Variants in RNF138 observed in about 807,000 individuals in gnomAD.
RNF138 encodes the protein ring finger protein 138.
Under a neutral mutation model 31.0 loss-of-function variants are expected in RNF138, and 12 were observed. The ratio of observed to expected loss-of-function variants is 0.39; its 90% CI spans 0.25 to 0.63. The LOEUF (loss-of-function observed/expected upper bound fraction) is 0.63, where lower values mean the gene tolerates loss of function less well. Among genes scored for constraint, RNF138 ranks in the 20% least tolerant of loss-of-function variants. The pLI is 0.52. For missense variants in RNF138, 192 were observed against 300.1 expected (o/e 0.64, Z 2.66); for synonymous variants, 105 against 99.5 (o/e 1.06, Z -0.33).
intron 2 of RNF138, among the ~76,000 whole-genome samples, chr18:32,107,112 T>C (rs12962902): frequency 7.1e-6 from 1 of 140,032 alleles, no homozygotes; most frequent in East Asian, 2.2e-4. Context: ...ACTTTCCTTT[T>C]TTCCTTTTTT....
chr18:32,100,601 A>G lies in RNF138; in HGVS notation c.110+7715A>G, dbSNP rs557802094. ...AGCGATTTTCCTGCCTCAGCCTCCC[A>G]AGTAGCTGGGATTAAAGGCATGCGC... On this transcript the variant is annotated intron_variant, in intron 2 of 7. Transcript: ENST00000261593. Among the ~76,000 whole-genome samples the G allele has an allele frequency of 4.8e-5, 7 of 145,354 alleles. No individual in the cohort carries two copies. In the South Asian group the frequency reaches 1.5e-3, roughly 32 times the overall value.
intron 2 of RNF138, among the ~76,000 whole-genome samples, chr18:32,105,342 C>T (rs1568229322): frequency 1.3e-5 from 2 of 152,174 alleles, no homozygotes; most frequent in South Asian, 2.1e-4. Flanking sequence ...CCACCCACCT[C>T]GGCCTCCCAA....
At chr18:32,095,151 A>C (rs781218881) in intron 2 of RNF138, among the ~76,000 whole-genome samples, 1 of 144,600 alleles carries the variant, frequency 6.9e-6, no homozygotes, top group East Asian at 2.1e-4. Flanking sequence ...TTAGTGGGGG[A>C]ATTGGAGAGA....
chr18:32,130,762 T>C lies in RNF138; in HGVS notation c.*1575T>C, dbSNP rs2040461619. On this transcript the variant is annotated 3_prime_UTR_variant, in exon 8 of 8. Transcript: ENST00000261593. ...TTTTTCAGTCAAACAGTAAAGACTT[T>C]ATTTATGGATTGTAATAACAACCAC... 6.6e-6 allele frequency: 1 copy of C among 152,488 alleles called. No individual in the cohort carries two copies. Among genetic ancestry groups the C allele is most frequent in the Non-Finnish European group, 1.5e-5 (1 of 67,886 alleles). The allele number at this position is 152,488 out of a possible 1,614,324, so 9.4% of individuals were successfully genotyped here.
chr18:32,128,003 C>T (rs147516208), intron 7 of RNF138, among the ~76,000 whole-genome samples: 2,719 of 152,204 alleles, frequency 0.018, 86 homozygotes, highest in African/African-American at 0.062. Flanking sequence ...TGGGATGAAC[C>T]CGGGAGGCAG....
chr18:32,104,073 G>A (rs1598849863), intron 2 of RNF138, among the ~76,000 whole-genome samples: 1 of 149,238 alleles, frequency 6.7e-6, no homozygotes, highest in Non-Finnish European at 1.5e-5. Context: ...GAGTGCAGTG[G>A]CCTGATCTTG....
At chr18:32,107,006 TTTG>T (rs1386963221) in intron 2 of RNF138, among the ~76,000 whole-genome samples, 1 of 152,084 alleles carries the variant, frequency 6.6e-6, no homozygotes, top group African/African-American at 2.4e-5. Context: ...ACTTTCTCCT[TTTG>T]TTTCTTTGAA....
intron 4 of RNF138, chr18:32,114,065 T>C (rs1407430058): frequency 5.5e-6 from 2 of 364,622 alleles, no homozygotes; most frequent in Non-Finnish European, 9.8e-6. Context: ...GATGACTTCA[T>C]GAACTTCAGC....
In RNF138 at chr18:32,130,906, A is replaced by G. The variant is rs1018704617; in HGVS notation, c.*1719A>G. 2 of 92,248 alleles carry G rather than the reference A, an allele frequency of 2.2e-5. No homozygotes were observed. The highest frequency in any genetic ancestry group is 8.1e-5 in the African/African-American group (2 of 24,696). 5.7% of individuals were successfully genotyped at this position (92,248 alleles called of 1,614,324 possible). A position where few individuals can be genotyped will look rare whatever the true frequency, so the allele number is the denominator to read the frequency against. ...GTTACATGGGTGTAATTTAAAAAAC[A>G]GCTCCTTTTTAAGACTTTTGACCAT... On this transcript the variant is annotated 3_prime_UTR_variant, in exon 8 of 8. Transcript: ENST00000261593.
In RNF138 at chr18:32,111,076, G is replaced by A. The variant is rs923097138; in HGVS notation, c.111-678G>A. ...ATTACAGGCGTGAGCCACCGTGCCC[G>A]GCAAAGCCGGAAGTATTCTTAAGTA... On this transcript the variant is annotated intron_variant, in intron 2 of 7. Transcript: ENST00000261593. Among the ~76,000 whole-genome samples the A allele has an allele frequency of 2.6e-5, 4 of 152,228 alleles. No individual in the cohort carries two copies. In the South Asian group the frequency reaches 6.2e-4, roughly 24 times the overall value.
At position 32,092,723 on chromosome 18, in the gene RNF138, C is replaced by G. The variant is rs911681488; in HGVS notation, c.-54C>G. ...AGGGAGTCGGGCCCCGGGCCGCCACCGTCACCTCGGCCGCTGCCGCTGTCG... is the reference window on the plus strand; with the variant it reads ...AGGGAGTCGGGCCCCGGGCCGCCACGGTCACCTCGGCCGCTGCCGCTGTCG... On this transcript the variant is annotated 5_prime_UTR_variant, in exon 2 of 8. Coordinates refer to ENST00000261593, the MANE Select transcript of RNF138 (RefSeq NM_016271.5). 6 of 1,187,418 alleles carry G rather than the reference C, an allele frequency of 5.1e-6. No homozygotes were observed. Among genetic ancestry groups the G allele is most frequent in the Admixed American group, 2.0e-5 (1 of 49,458 alleles). The allele number at this position is 1,187,418 out of a possible 1,614,324, so 73.6% of individuals were successfully genotyped here. A position where few individuals can be genotyped will look rare whatever the true frequency, so the allele number is the denominator to read the frequency against.
chr18:32,094,207 T>C (rs77056537), intron 2 of RNF138, among the ~76,000 whole-genome samples: 1 of 127,344 alleles, frequency 7.9e-6, no homozygotes, highest in East Asian at 2.3e-4. Context: ...GACTTTTTTT[T>C]CTTTTTTTTT....
chr18:32,092,705 C>A lies in RNF138; in HGVS notation c.-72C>A, dbSNP rs752121707. ...CCCCCTCCGGGTTCATGTAGGGAGT[C>A]GGGCCCCGGGCCGCCACCGTCACCT... is the stretch of plus-strand genomic sequence containing the variant. On this transcript the variant is annotated 5_prime_UTR_variant, in exon 2 of 8. Coordinates refer to ENST00000261593, the MANE Select transcript of RNF138 (RefSeq NM_016271.5). The A allele has an allele frequency of 4.5e-6, 4 of 893,704 alleles. No individual in the cohort carries two copies. The East Asian group carries it at 8.0e-5, about 18-fold the overall frequency. The allele number at this position is 893,704 out of a possible 1,614,324, so 55.4% of individuals were successfully genotyped here. A position where few individuals can be genotyped will look rare whatever the true frequency, so the allele number is the denominator to read the frequency against.
rs547815994 is a variant in RNF138, at chr18:32,102,944, C to G, written c.111-8810C>G. 5.1e-4 allele frequency among the ~76,000 whole-genome samples: 77 copies of G among 152,216 alleles called. 1 individual carries two copies. In the South Asian group the frequency reaches 0.014, roughly 28 times the overall value. On this transcript the variant is annotated intron_variant, in intron 2 of 7. Transcript: ENST00000261593. The stretch of plus-strand genomic sequence containing the variant: ...CCATGCCTGGCCAATTTGGGATTTT[C>G]TAACAAAATAGTTTTGTGATCTAAA...
intron 3 of RNF138, 127 bp from the exon 4 acceptor site, chr18:32,113,618 A>G (rs1459111587): frequency 3.9e-6 from 2 of 509,018 alleles, no homozygotes; most frequent in Non-Finnish European, 6.8e-6. Context: ...GAAATCATTT[A>G]CTTTAAAAAA....
At chr18:32,102,669 G>A (rs550603321) in intron 2 of RNF138, among the ~76,000 whole-genome samples, 51 of 151,298 alleles carry the variant, frequency 3.4e-4, no homozygotes, top group African/African-American at 9.7e-4. Flanking sequence ...GTCTCCTTCC[G>A]TTGCCCAGGC....
intron 2 of RNF138, among the ~76,000 whole-genome samples, chr18:32,105,700 G>A (rs147881372): frequency 1.3e-5 from 2 of 152,122 alleles, no homozygotes; most frequent in Admixed American, 6.6e-5. Context: ...GACTGCAAAA[G>A]CATAAACCAT....
chr18:32,106,863 G>C (rs2144586147), intron 2 of RNF138, among the ~76,000 whole-genome samples: 1 of 152,152 alleles, frequency 6.6e-6, no homozygotes, highest in Non-Finnish European at 1.5e-5. Flanking sequence ...ACCGCGCCCG[G>C]CTGAAAAATT....
In RNF138 at chr18:32,092,569, G is replaced by T. The variant is rs1382000467; in HGVS notation, c.-77-131G>T. ...CCCCTGTGGGAGGAGCCGTGGGAGG[G>T]GTCGCCTCTTGCCCGGCGCGTGCGG... On this transcript the variant is annotated intron_variant, in intron 1 of 7. Coordinates refer to ENST00000261593, the MANE Select transcript of RNF138 (RefSeq NM_016271.5). The T allele has an allele frequency of 7.1e-6, 4 of 561,182 alleles. No homozygotes were observed. The East Asian group carries it at 1.3e-4, about 18-fold the overall frequency. The allele number at this position is 561,182 out of a possible 1,614,324, so 34.8% of individuals were successfully genotyped here.
Sources: allele counts gnomAD v4.1 joint callset (sites outside exome capture counted in the v4.1 genomes callset), GRCh38; gene constraint gnomAD v4.1.1; transcripts MANE v1.5; gene names NCBI Gene and HGNC (gene_info 2026-07-23, HGNC 2026-07-21).